The following JAZF1 variants were observed in gnomAD, a reference collection of about 807,000 sequenced individuals.
JAZF1 encodes the protein juxtaposed with another zinc finger protein 1.
In JAZF1, 8 loss-of-function variants were observed where a neutral mutation model predicts 26.4. That is an observed-to-expected ratio of 0.30 (90% CI 0.18 to 0.55). JAZF1 has a LOEUF of 0.55. Ranked by LOEUF, JAZF1 falls within the 20% of genes least tolerant of loss-of-function variation. JAZF1 has a pLI of 0.94. For synonymous variants in JAZF1, 126 were observed against 122.3 expected (o/e 1.03, Z -0.20); for missense variants, 199 against 322.0 (o/e 0.62, Z 2.92).
At chr7:28,140,717 G>A (rs577965043) in intron 1 of JAZF1, among the ~76,000 whole-genome samples, 25 of 152,198 alleles carry the variant, frequency 1.6e-4, no homozygotes, top group Non-Finnish European at 2.9e-4. Flanking sequence ...TTAAAGTAGA[G>A]ATAACCTCAC....
intron 1 of JAZF1, among the ~76,000 whole-genome samples, chr7:27,994,859 A>G (rs1048793673): frequency 1.3e-5 from 2 of 152,172 alleles, no homozygotes; most frequent in Non-Finnish European, 2.9e-5. Flanking sequence ...AAAGTGTAAT[A>G]GCTGCCTTCA....
chr7:28,165,034 T>C (rs974265124), intron 1 of JAZF1, among the ~76,000 whole-genome samples: 35 of 152,074 alleles, frequency 2.3e-4, no homozygotes, highest in Non-Finnish European at 1.5e-4. Flanking sequence ...TCAGGTGTGG[T>C]GGTGCGCACC....
At chr7:28,127,201 T>C (rs1782710770) in intron 1 of JAZF1, among the ~76,000 whole-genome samples, 1 of 152,232 alleles carries the variant, frequency 6.6e-6, no homozygotes, top group Non-Finnish European at 1.5e-5. Flanking sequence ...GGACAGACCC[T>C]TCCTGCAGAG....
At chr7:27,974,534 T>G (rs143068004) in intron 2 of JAZF1, among the ~76,000 whole-genome samples, 3 of 152,304 alleles carry the variant, frequency 2.0e-5, no homozygotes, top group African/African-American at 7.2e-5. Flanking sequence ...CAGGTCAGTC[T>G]TGAGGGTCCA....
rs577448702 is a variant in JAZF1, at chr7:27,926,732, G to A, written c.189-31316C>T. ...ACACTGAGGAATGGAGGCACTGAAT[G>A]GCTGACAGACAGCACTTCTTTTGAA... On this transcript the variant is annotated intron_variant, in intron 2 of 4. Coordinates refer to ENST00000283928, the MANE Select transcript of JAZF1 (RefSeq NM_175061.4). 5.9e-5 allele frequency among the ~76,000 whole-genome samples: 9 copies of A among 152,352 alleles called. No homozygotes were observed. The South Asian group carries it at 1.9e-3, about 32-fold the overall frequency.
chr7:28,014,881 A>C (rs1468837418), intron 1 of JAZF1, among the ~76,000 whole-genome samples: 3 of 152,200 alleles, frequency 2.0e-5, no homozygotes, highest in African/African-American at 7.2e-5. Context: ...GAGTGGCATA[A>C]AGATGGTGGG....
intron 2 of JAZF1, among the ~76,000 whole-genome samples, chr7:27,991,310 T>C (rs2128365244): frequency 6.6e-6 from 1 of 152,328 alleles, no homozygotes; most frequent in South Asian, 2.1e-4. Context: ...TCTCCAAATA[T>C]TACTGTCTCC....
intron 1 of JAZF1, among the ~76,000 whole-genome samples, chr7:28,141,123 C>G (rs1782953757): frequency 6.6e-6 from 1 of 152,160 alleles, no homozygotes; most frequent in Non-Finnish European, 1.5e-5. Flanking sequence ...AAAGATGCAG[C>G]CACAGCCCTG....
intron 1 of JAZF1, among the ~76,000 whole-genome samples, chr7:28,108,790 T>C (rs1784594490): frequency 1.3e-5 from 2 of 152,270 alleles, no homozygotes; most frequent in Non-Finnish European, 1.5e-5. Flanking sequence ...AGCTAAGCCA[T>C]GGAAACAACC....
intron 1 of JAZF1, among the ~76,000 whole-genome samples, chr7:28,175,451 T>A (rs578115776): frequency 2.0e-5 from 3 of 152,318 alleles, no homozygotes. Context: ...AACTTATTAT[T>A]GTAGATAAAC....
chr7:27,976,581 G>A (rs550155356), intron 2 of JAZF1, among the ~76,000 whole-genome samples: 1 of 152,100 alleles, frequency 6.6e-6, no homozygotes, highest in East Asian at 1.9e-4. Flanking sequence ...CTTCAGTCTG[G>A]AGCTGGGGCA....
intron 1 of JAZF1, among the ~76,000 whole-genome samples, chr7:28,116,463 C>G (rs1280157453): frequency 6.6e-6 from 1 of 151,872 alleles, no homozygotes; most frequent in Non-Finnish European, 1.5e-5. Context: ...CTCTTTTTTT[C>G]AGACAGAGTC....
At chr7:27,940,751 C>T (rs1471278581) in intron 2 of JAZF1, among the ~76,000 whole-genome samples, 2 of 152,182 alleles carry the variant, frequency 1.3e-5, no homozygotes, top group African/African-American at 4.8e-5. Flanking sequence ...AAAATCTAAG[C>T]CTCTCAGTCC....
At chr7:27,845,711 A>AAAAAAAAAAAAAAAAAAG (rs1554328474) in intron 3 of JAZF1, among the ~76,000 whole-genome samples, 23 of 137,654 alleles carry the variant, frequency 1.7e-4, no homozygotes, top group African/African-American at 3.4e-4. Flanking sequence ...AAAAAAAAAA[A>AAAAAAAAAAAAAAAAAAG]AAAGAAAAGA....
intron 1 of JAZF1, among the ~76,000 whole-genome samples, chr7:28,152,416 GCCCTCTGA>G (rs1290051021): frequency 6.6e-6 from 1 of 152,062 alleles, no homozygotes; most frequent in Non-Finnish European, 1.5e-5. Context: ...AAGTAAGCTG[GCCCTCTGA>G]CCCACTCCAT....
chr7:27,897,667 T>C (rs1289260554), intron 2 of JAZF1, among the ~76,000 whole-genome samples: 2 of 152,220 alleles, frequency 1.3e-5, no homozygotes, highest in Non-Finnish European at 2.9e-5. Context: ...GGTGATCTTG[T>C]AGCTGGGCAT....
chr7:27,928,551 T>G (rs1784633306), intron 2 of JAZF1, among the ~76,000 whole-genome samples: 1 of 152,212 alleles, frequency 6.6e-6, no homozygotes, highest in Non-Finnish European at 1.5e-5. Context: ...ACTAATTCTT[T>G]GTTTTGTTCT....
At chr7:27,954,617 G>A (rs973750633) in intron 2 of JAZF1, among the ~76,000 whole-genome samples, 7 of 152,194 alleles carry the variant, frequency 4.6e-5, no homozygotes, top group Non-Finnish European at 7.3e-5. Context: ...AACTGGTAAT[G>A]TGTAAATGCA....
chr7:28,112,408 A>G (rs1784675236), intron 1 of JAZF1, among the ~76,000 whole-genome samples: 1 of 152,258 alleles, frequency 6.6e-6, no homozygotes, highest in Non-Finnish European at 1.5e-5. Flanking sequence ...GCAATATTAC[A>G]AAGCAGACAA....
Sources: gnomAD v4.1 joint callset for allele counts (sites outside exome capture counted in the v4.1 genomes callset) on GRCh38, gnomAD v4.1.1 for gene constraint, MANE v1.5 for transcripts, NCBI Gene and HGNC (gene_info 2026-07-23, HGNC 2026-07-21) for gene names.